The following PACC1 variants were observed in gnomAD, a reference collection of about 807,000 sequenced individuals.
PACC1 encodes the protein proton-activated chloride channel.
PACC1 carries 34 observed loss-of-function variants against 39.7 expected under a neutral mutation model. That is an observed-to-expected ratio of 0.86 (90% CI 0.65 to 1.14). The LOEUF (loss-of-function observed/expected upper bound fraction) is 1.14. PACC1 is among the 50% of genes most tolerant of loss of function. PACC1 has a pLI of 0.00. For synonymous variants in PACC1, 127 were observed against 160.6 expected, an observed-to-expected ratio of 0.79 and a Z score of 1.58; for missense variants, 379 against 436.4, an observed-to-expected ratio of 0.87 and a Z score of 1.17.
chr1:212,412,235 C>T (rs979131890), intron 1 of PACC1, among the ~76,000 whole-genome samples: 1 of 152,072 alleles, frequency 6.6e-6, no homozygotes, highest in South Asian at 2.1e-4. Flanking sequence ...AGCAGGAGCA[C>T]AGATAAAGAG....
At position 212,364,301 on chromosome 1, in the gene PACC1, C is replaced by G. The variant is rs1660155427; in HGVS notation, c.*914G>C. On this transcript the variant is annotated 3_prime_UTR_variant, in exon 8 of 8. Coordinates refer to ENST00000261455, the MANE Select transcript of PACC1 (RefSeq NM_018252.3). Reference sequence around the variant, plus strand: ...ACACCAGGTCACTCTTTCTGGACACCTGCCATCAGTTGCCATGCCTAACAA... The same window carrying G: ...ACACCAGGTCACTCTTTCTGGACACGTGCCATCAGTTGCCATGCCTAACAA... 6.6e-6 allele frequency: 1 copy of G among 152,106 alleles called. No homozygotes were observed. The highest frequency in any genetic ancestry group is 1.5e-5 in the Non-Finnish European group (1 of 68,030). 9.4% of individuals were successfully genotyped at this position (152,106 alleles called of 1,614,324 possible). A position where few individuals can be genotyped will look rare whatever the true frequency, so the allele number is the denominator to read the frequency against.
intron 2 of PACC1, among the ~76,000 whole-genome samples, chr1:212,407,882 C>T (rs1280243676): frequency 6.6e-6 from 1 of 152,128 alleles, no homozygotes; most frequent in Non-Finnish European, 1.5e-5. Flanking sequence ...TGAGACCAGC[C>T]TGGCCAACAT....
intron 2 of PACC1, among the ~76,000 whole-genome samples, chr1:212,395,119 G>C (rs1012678497): frequency 2.0e-5 from 3 of 152,020 alleles, no homozygotes; most frequent in Non-Finnish European, 2.9e-5. Flanking sequence ...AAAAGAGCCC[G>C]CATTGCCAAG....
intron 2 of PACC1, among the ~76,000 whole-genome samples, chr1:212,404,916 C>T (rs899579207): frequency 1.3e-5 from 2 of 152,060 alleles, no homozygotes; most frequent in Non-Finnish European, 2.9e-5. Flanking sequence ...TTACAGGCAT[C>T]TGCCACCATG....
At chr1:212,414,525 C>G (rs1404442187) in intron 1 of PACC1, among the ~76,000 whole-genome samples, 197 bp downstream of exon 1, 4 of 152,180 alleles carry the variant, frequency 2.6e-5, no homozygotes, top group Admixed American at 6.5e-5. Flanking sequence ...GCTGGGCGCC[C>G]GCTCCGCTGC....
chr1:212,392,273 TG>T (rs1294200586), intron 2 of PACC1, among the ~76,000 whole-genome samples: 3 of 151,966 alleles, frequency 2.0e-5, no homozygotes, highest in African/African-American at 7.3e-5. Flanking sequence ...GCCAGAAGAG[TG>T]GGGGCCAATA....
intron 4 of PACC1, among the ~76,000 whole-genome samples, chr1:212,384,272 A>T (rs1049113065): frequency 2.0e-5 from 3 of 152,008 alleles, no homozygotes; most frequent in African/African-American, 7.2e-5. Context: ...GGATTTTAGG[A>T]GGGGGCCTAG....
chr1:212,382,456 G>A (rs1660938975), intron 4 of PACC1, among the ~76,000 whole-genome samples: 1 of 152,156 alleles, frequency 6.6e-6, no homozygotes, highest in African/African-American at 2.4e-5. Context: ...CTGGAAAGGT[G>A]GCAAACCTTA....
chr1:212,401,360 T>C (rs1372703280), intron 2 of PACC1, among the ~76,000 whole-genome samples: 1 of 152,060 alleles, frequency 6.6e-6, no homozygotes, highest in Non-Finnish European at 1.5e-5. Flanking sequence ...GCGCGGTGGC[T>C]CACACCTGTA....
chr1:212,401,959 G>A (rs1019331751), intron 2 of PACC1, among the ~76,000 whole-genome samples: 3 of 152,152 alleles, frequency 2.0e-5, no homozygotes, highest in African/African-American at 4.8e-5. Context: ...ACAGGCATGA[G>A]CCACCGCACC....
chr1:212,377,728 G>A (rs1459591742), intron 5 of PACC1, 22 bp from the exon 6 acceptor site: 2 of 1,613,226 alleles, frequency 1.2e-6, no homozygotes, highest in Non-Finnish European at 1.7e-6. Flanking sequence ...GAAGGAGAAG[G>A]AAGATCCAGG....
intron 6 of PACC1, among the ~76,000 whole-genome samples, 199 bp from the exon 7 acceptor site, chr1:212,375,499 CCA>C (rs1421790945): frequency 6.6e-6 from 1 of 152,166 alleles, no homozygotes; most frequent in Non-Finnish European, 1.5e-5. Context: ...ACCTTGGTTT[CCA>C]CAGTTCTCTG....
intron 6 of PACC1, among the ~76,000 whole-genome samples, chr1:212,377,242 C>T (rs1422827161): frequency 1.3e-5 from 2 of 152,230 alleles, no homozygotes; most frequent in Admixed American, 6.5e-5. Context: ...AGGCCACTGC[C>T]AGCCCCTCAA....
At chr1:212,409,044 C>G (rs1258150890) in intron 2 of PACC1, among the ~76,000 whole-genome samples, 3 of 152,224 alleles carry the variant, frequency 2.0e-5, no homozygotes, top group African/African-American at 7.2e-5. Context: ...CTATTGTAAG[C>G]TGCACATACA....
intron 7 of PACC1, 53 bp from the exon 8 acceptor site, chr1:212,365,429 CTTTT>C (rs879161931): frequency 4.4e-3 from 4,291 of 970,660 alleles, no homozygotes; most frequent in East Asian, 6.9e-3. Context: ...AGTCTTGATT[CTTTT>C]TTTTTTTTTT....
In PACC1 at chr1:212,414,872, A is replaced by T; in HGVS notation, c.-115T>A. ...GCTCCGCGAGGCGAAACCGGTCCGGAGGGGCGTCCCAGAGACCAGGCGTGG... is the reference window on the plus strand; with the variant it reads ...GCTCCGCGAGGCGAAACCGGTCCGGTGGGGCGTCCCAGAGACCAGGCGTGG... On this transcript the variant is annotated 5_prime_UTR_variant, in exon 1 of 8. Transcript: ENST00000261455. 1 of 1,394,598 alleles carries T rather than the reference A, an allele frequency of 7.2e-7. No individual in the cohort carries two copies. The highest frequency in any genetic ancestry group is 2.0e-5 in the Admixed American group (1 of 49,330). The allele number at this position is 1,394,598 out of a possible 1,614,324, so 86.4% of individuals were successfully genotyped here.
rs111587664 is a variant in PACC1, at chr1:212,380,093, G to T, written c.496-56C>A. On this transcript the variant is annotated intron_variant, in intron 4 of 7. Coordinates refer to ENST00000261455, the MANE Select transcript of PACC1 (RefSeq NM_018252.3). Reference sequence around the variant, plus strand: ...CCTGGGAGAGTACACAGAGGCCTCTGGGTCTGAGGGCAGAAGTACTGACTG... The same window carrying T: ...CCTGGGAGAGTACACAGAGGCCTCTTGGTCTGAGGGCAGAAGTACTGACTG... The T allele has an allele frequency of 1.9e-3, 3,067 of 1,578,932 alleles. 26 individuals are homozygous for T. The African/African-American group carries it at 0.029, about 15-fold the overall frequency.
At chr1:212,413,813 A>G (rs2102553810) in intron 1 of PACC1, 1 of 1,401,620 alleles carries the variant, frequency 7.1e-7, no homozygotes, top group Non-Finnish European at 9.5e-7. Flanking sequence ...TGGAGAGTAT[A>G]AGAGACTAAA....
chr1:212,406,970 G>T (rs1315381698), intron 2 of PACC1, among the ~76,000 whole-genome samples: 1 of 152,162 alleles, frequency 6.6e-6, no homozygotes, highest in Non-Finnish European at 1.5e-5. Context: ...TCTGGTTGGG[G>T]GCAAGAGGGT....
Sources: allele counts gnomAD v4.1 joint callset (sites outside exome capture counted in the v4.1 genomes callset), GRCh38; gene constraint gnomAD v4.1.1; transcripts MANE v1.5; gene names NCBI Gene and HGNC (gene_info 2026-07-23, HGNC 2026-07-21).